Variants in GSG1L observed in about 807,000 individuals in gnomAD.
The protein encoded by GSG1L is germ cell-specific gene 1-like protein.
GSG1L carries 24 observed loss-of-function variants against 42.1 expected under a neutral mutation model. The ratio of observed to expected loss-of-function variants is 0.57; its 90% confidence interval spans 0.41 to 0.80. The LOEUF (loss-of-function observed/expected upper bound fraction) is 0.80, where lower values mean the gene tolerates loss of function less well. Among genes scored for constraint, GSG1L ranks in the 30% least tolerant of loss-of-function variants. The pLI is 0.00. For synonymous variants in GSG1L, 215 were observed against 203.5 expected, an observed-to-expected ratio of 1.06 and a Z score of -0.48; for missense variants, 445 against 472.2, an observed-to-expected ratio of 0.94 and a Z score of 0.53.
At chr16:28,054,601 C>T (rs2086259481) in intron 1 of GSG1L, among the ~76,000 whole-genome samples, 1 of 152,036 alleles carries the variant, frequency 6.6e-6, no homozygotes, top group South Asian at 2.1e-4. Flanking sequence ...TGCACTCCAG[C>T]CTCGGCAACA....
intron 2 of GSG1L, among the ~76,000 whole-genome samples, chr16:27,946,512 T>G (rs1020323917): frequency 1.4e-5 from 2 of 146,132 alleles, no homozygotes; most frequent in Non-Finnish European, 3.0e-5. Flanking sequence ...GCCATTGCAC[T>G]CCAGCCTGGG....
chr16:27,982,516 G>T (rs990415261), intron 1 of GSG1L, among the ~76,000 whole-genome samples: 2 of 152,130 alleles, frequency 1.3e-5, no homozygotes, highest in African/African-American at 4.8e-5. Context: ...AGATGCAAAG[G>T]GCTCTAAGGC....
intron 1 of GSG1L, among the ~76,000 whole-genome samples, chr16:28,008,831 CAG>C (rs930106527): frequency 6.6e-6 from 1 of 151,978 alleles, no homozygotes; most frequent in South Asian, 2.1e-4. Flanking sequence ...TGTTTTGAGA[CAG>C]AGTCTCGATT....
chr16:27,876,695 C>T (rs551585689), intron 3 of GSG1L, among the ~76,000 whole-genome samples: 1 of 152,240 alleles, frequency 6.6e-6, no homozygotes, highest in East Asian at 1.9e-4. Context: ...TGCCCCTTGG[C>T]CCCCAGGCCT....
At chr16:27,960,131 G>A (rs1455475101) in intron 2 of GSG1L, among the ~76,000 whole-genome samples, 2 of 152,124 alleles carry the variant, frequency 1.3e-5, no homozygotes, top group Non-Finnish European at 2.9e-5. Context: ...TTTGCCAGGT[G>A]GGAGGAGCTG....
rs563569002 is a variant in GSG1L at position 28,053,851 on chromosome 16, G to A, written c.349+9225C>T. On this transcript the variant is annotated intron_variant, in intron 1 of 6. Transcript: ENST00000447459. Reference sequence around the variant, plus strand: ...ATTGCTGCTCTCTGCATCTCTGTCCGGGTGTGCACCCAATGCGGTGCACGT... The same window carrying A: ...ATTGCTGCTCTCTGCATCTCTGTCCAGGTGTGCACCCAATGCGGTGCACGT... Among the ~76,000 whole-genome samples the A allele has an allele frequency of 2.6e-5, 4 of 152,142 alleles. No homozygotes were observed. In the East Asian group the frequency reaches 5.8e-4, roughly 22 times the overall value.
intron 1 of GSG1L, among the ~76,000 whole-genome samples, chr16:28,005,262 C>T (rs907062759): frequency 5.3e-5 from 8 of 152,122 alleles, no homozygotes; most frequent in Middle Eastern, 3.2e-3. Context: ...TACAGGCATG[C>T]ACCACCATGC....
At chr16:27,864,124 TG>T (rs1435134021) in intron 3 of GSG1L, among the ~76,000 whole-genome samples, 1 of 152,208 alleles carries the variant, frequency 6.6e-6, no homozygotes. Flanking sequence ...AGGGCATTTC[TG>T]GTGTTCCAGC....
intron 1 of GSG1L, among the ~76,000 whole-genome samples, chr16:27,985,997 T>A (rs1437946059): frequency 6.6e-6 from 1 of 152,188 alleles, no homozygotes; most frequent in Non-Finnish European, 1.5e-5. Context: ...GGTCTAAAAC[T>A]CTGCTCTCTT....
intron 6 of GSG1L, among the ~76,000 whole-genome samples, chr16:27,793,956 C>T (rs1007975443): frequency 6.6e-6 from 1 of 152,220 alleles, no homozygotes; most frequent in Non-Finnish European, 1.5e-5. Flanking sequence ...GAGTCAGAGA[C>T]AGTGCCAATT....
chr16:28,003,150 G>A (rs560283956), intron 1 of GSG1L, among the ~76,000 whole-genome samples: 1 of 152,322 alleles, frequency 6.6e-6, no homozygotes, highest in South Asian at 2.1e-4. Context: ...AAGGAGAAAT[G>A]CTGCAGCTCT....
chr16:28,016,455 T>C (rs1370429965), intron 1 of GSG1L, among the ~76,000 whole-genome samples: 1 of 152,202 alleles, frequency 6.6e-6, no homozygotes, highest in Non-Finnish European at 1.5e-5. Context: ...GCTCAGATTT[T>C]ATTAAGATTG....
chr16:27,911,270 TCTCTCTCTCTC>T (rs2084385936), intron 2 of GSG1L, among the ~76,000 whole-genome samples: 1 of 112,694 alleles, frequency 8.9e-6, no homozygotes, highest in Admixed American at 8.5e-5. Flanking sequence ...TCTCTCGCTC[TCTCTCTCTCTC>T]TCTCTCTCTC....
At chr16:27,795,102 G>C (rs2082803487) in intron 6 of GSG1L, among the ~76,000 whole-genome samples, 2 of 152,136 alleles carry the variant, frequency 1.3e-5, no homozygotes, top group Admixed American at 1.3e-4. Context: ...TTTATGAGCA[G>C]GGCCAGGGTC....
chr16:28,002,259 C>A (rs1488385812), intron 1 of GSG1L, among the ~76,000 whole-genome samples: 1 of 152,126 alleles, frequency 6.6e-6, no homozygotes, highest in Non-Finnish European at 1.5e-5. Context: ...GATGGGCTGA[C>A]CAGGGCCTTT....
intron 5 of GSG1L, among the ~76,000 whole-genome samples, chr16:27,810,406 G>T (rs1208060687): frequency 6.6e-6 from 1 of 152,158 alleles, no homozygotes; most frequent in East Asian, 1.9e-4. Flanking sequence ...GGAGACAGAG[G>T]CTACGGTGAG....
At chr16:28,031,362 G>A (rs1808036307) in intron 1 of GSG1L, among the ~76,000 whole-genome samples, 1 of 148,562 alleles carries the variant, frequency 6.7e-6, no homozygotes, top group Non-Finnish European at 1.5e-5. Flanking sequence ...AGATGGGATG[G>A]GGTGGGATGA....
rs574232836 is a variant in GSG1L at position 27,870,886 on chromosome 16, G to A, written c.550+13600C>T. On this transcript the variant is annotated intron_variant, in intron 3 of 6. Transcript: ENST00000447459. ...ATCTCCTTGTGGCCAGACACCTGCA[G>A]TCACCTCTTAGCCGTGCTCTCCAGC... is the stretch of plus-strand genomic sequence containing the variant. 9.2e-5 allele frequency among the ~76,000 whole-genome samples: 14 copies of A among 151,462 alleles called. 2 individuals carry two copies. The highest frequency in any genetic ancestry group is 3.4e-4 in the African/African-American group (14 of 40,798).
chr16:27,801,942 C>T (rs796781071), intron 6 of GSG1L, among the ~76,000 whole-genome samples: 19 of 152,272 alleles, frequency 1.2e-4, no homozygotes, highest in African/African-American at 4.6e-4. Flanking sequence ...GTGATTAGAT[C>T]TAGGGGACTG....
Sources: gnomAD v4.1 joint callset for allele counts (sites outside exome capture counted in the v4.1 genomes callset) on GRCh38, gnomAD v4.1.1 for gene constraint, MANE v1.5 for transcripts, NCBI Gene and HGNC (gene_info 2026-07-23, HGNC 2026-07-21) for gene names.